The following HS6ST3 variants were observed in gnomAD, a reference collection of about 807,000 sequenced individuals.
HS6ST3 encodes heparan-sulfate 6-O-sulfotransferase 3.
In HS6ST3, 12 loss-of-function variants were observed where a neutral mutation model predicts 36.7. That is an observed-to-expected ratio of 0.33 (90% CI 0.21 to 0.53). HS6ST3 has a LOEUF of 0.53. HS6ST3 is among the 20% of genes least tolerant of loss of function. The pLI is 0.95. For synonymous variants in HS6ST3, 240 were observed against 257.5 expected, an observed-to-expected ratio of 0.93 and a Z score of 0.65; for missense variants, 584 against 640.9, an observed-to-expected ratio of 0.91 and a Z score of 0.96.
intron 1 of HS6ST3, among the ~76,000 whole-genome samples, chr13:96,312,951 CAAAA>C (rs754098470): frequency 0.011 from 877 of 81,408 alleles, 5 homozygotes; most frequent in African/African-American, 0.037. Flanking sequence ...GACCCTGTCT[CAAAA>C]AAAAAAAAAA....
At chr13:96,660,762 G>T (rs1462585484) in intron 1 of HS6ST3, among the ~76,000 whole-genome samples, 1 of 152,136 alleles carries the variant, frequency 6.6e-6, no homozygotes, top group Admixed American at 6.6e-5. Flanking sequence ...TGGATTGAAG[G>T]ATGCAAAGTA....
At chr13:96,807,126 A>T (rs1359783707) in intron 1 of HS6ST3, among the ~76,000 whole-genome samples, 1 of 152,228 alleles carries the variant, frequency 6.6e-6, no homozygotes, top group Non-Finnish European at 1.5e-5. Context: ...TCTGAAGAAT[A>T]CGGGAGCTGA....
chr13:96,717,488 T>A (rs1193535731), intron 1 of HS6ST3, among the ~76,000 whole-genome samples: 1 of 152,226 alleles, frequency 6.6e-6, no homozygotes, highest in Non-Finnish European at 1.5e-5. Context: ...TACTTTCACA[T>A]AAAGGACTGC....
chr13:96,242,935 A>G (rs1200552788), intron 1 of HS6ST3, among the ~76,000 whole-genome samples: 1 of 152,212 alleles, frequency 6.6e-6, no homozygotes, highest in Non-Finnish European at 1.5e-5. Context: ...AAGAACCTGA[A>G]TGACCATCCA....
At chr13:96,828,405 A>T (rs9516768) in intron 1 of HS6ST3, among the ~76,000 whole-genome samples, 8,917 of 152,198 alleles carry the variant, frequency 0.059, 291 homozygotes, top group Middle Eastern at 0.12. Flanking sequence ...ATGTTGCTTT[A>T]AGTTGGTGTG....
At chr13:96,458,248 G>A (rs2055763854) in intron 1 of HS6ST3, among the ~76,000 whole-genome samples, 1 of 151,990 alleles carries the variant, frequency 6.6e-6, no homozygotes, top group African/African-American at 2.4e-5. Context: ...TGGATATTAG[G>A]AATGCCAAAT....
At chr13:96,244,144 T>G (rs970312539) in intron 1 of HS6ST3, among the ~76,000 whole-genome samples, 36 of 152,128 alleles carry the variant, frequency 2.4e-4, no homozygotes, top group African/African-American at 7.5e-4. Flanking sequence ...ACCGTTACAT[T>G]TAGGATTAAT....
intron 1 of HS6ST3, among the ~76,000 whole-genome samples, chr13:96,323,561 G>T (rs988991997): frequency 6.6e-6 from 1 of 152,186 alleles, no homozygotes. Context: ...AGGCCTTTTG[G>T]TTCCAGCCCA....
At chr13:96,609,350 T>TTA (rs2056449772) in intron 1 of HS6ST3, among the ~76,000 whole-genome samples, 1 of 152,180 alleles carries the variant, frequency 6.6e-6, no homozygotes, top group Non-Finnish European at 1.5e-5. Context: ...CAGCACCAAA[T>TTA]TATAAAGAGA....
At chr13:96,307,495 A>T (rs1443280485) in intron 1 of HS6ST3, among the ~76,000 whole-genome samples, 7 of 152,158 alleles carry the variant, frequency 4.6e-5, no homozygotes, top group Non-Finnish European at 7.4e-5. Context: ...AAAACTGCCG[A>T]GGTATATTTA....
chr13:96,136,453 A>G (rs1034502950), intron 1 of HS6ST3, among the ~76,000 whole-genome samples: 3 of 151,884 alleles, frequency 2.0e-5, no homozygotes, highest in African/African-American at 7.3e-5. Flanking sequence ...GAGAAGGGGG[A>G]GGTGCTGCAC....
At chr13:96,098,597 G>A (rs1245133331) in intron 1 of HS6ST3, among the ~76,000 whole-genome samples, 1 of 152,080 alleles carries the variant, frequency 6.6e-6, no homozygotes, top group Non-Finnish European at 1.5e-5. Flanking sequence ...AGGGGTAGGT[G>A]GGTCTCTTGA....
At chr13:96,426,665 TTTTGAGATTTATCTC>T (rs2055588749) in intron 1 of HS6ST3, among the ~76,000 whole-genome samples, 1 of 152,164 alleles carries the variant, frequency 6.6e-6, no homozygotes, top group Non-Finnish European at 1.5e-5. Flanking sequence ...ATTGAAAGGG[TTTTGAGATTTATCTC>T]TGGAGTCAAC....
chr13:96,417,732 T>TCACACACACACACACA (rs1211935095), intron 1 of HS6ST3, among the ~76,000 whole-genome samples: 16 of 137,296 alleles, frequency 1.2e-4, no homozygotes, highest in East Asian at 6.6e-4. Context: ...ATAGCTTATT[T>TCACACACACACACACA]CACACACACA....
intron 1 of HS6ST3, among the ~76,000 whole-genome samples, chr13:96,161,181 C>T (rs888476274): frequency 6.6e-6 from 1 of 152,036 alleles, no homozygotes; most frequent in African/African-American, 2.4e-5. Flanking sequence ...AACTTTTGCC[C>T]TTAAGATGTT....
intron 1 of HS6ST3, among the ~76,000 whole-genome samples, chr13:96,433,725 C>T (rs1433604773): frequency 6.6e-6 from 1 of 151,970 alleles, no homozygotes; most frequent in Non-Finnish European, 1.5e-5. Context: ...ACCTGAGGTC[C>T]GGAATTCGAG....
intron 1 of HS6ST3, among the ~76,000 whole-genome samples, chr13:96,751,663 A>C (rs890590014): frequency 8.4e-4 from 128 of 152,256 alleles, no homozygotes; most frequent in African/African-American, 2.9e-3. Context: ...CCAAGAAGGC[A>C]GGCATGTAAC....
At chr13:96,700,843 A>T (rs1219085126) in intron 1 of HS6ST3, among the ~76,000 whole-genome samples, 1 of 152,204 alleles carries the variant, frequency 6.6e-6, no homozygotes, top group African/African-American at 2.4e-5. Context: ...CTCTAGAGTG[A>T]ATGATTCACT....
Position 96,740,488 on chromosome 13 carries a change from A to G in HS6ST3, c.708-92002A>G, listed in dbSNP as rs138913027. Among the ~76,000 whole-genome samples, 762 of 152,344 alleles carry G rather than the reference A, an allele frequency of 5.0e-3. 8 individuals are homozygous for G. Among genetic ancestry groups the G allele is most frequent in the African/African-American group, 0.017 (714 of 41,576 alleles). ...AATTCAATTATTTACAAACAAATGTAAAATATGAGGGAAAGGCTAAAATCT... is the reference window on the plus strand; with the variant it reads ...AATTCAATTATTTACAAACAAATGTGAAATATGAGGGAAAGGCTAAAATCT... On this transcript the variant is annotated intron_variant, in intron 1 of 1. Transcript: ENST00000376705.
Sources: gnomAD v4.1 joint callset for allele counts (sites outside exome capture counted in the v4.1 genomes callset) on GRCh38, gnomAD v4.1.1 for gene constraint, MANE v1.5 for transcripts, NCBI Gene and HGNC (gene_info 2026-07-23, HGNC 2026-07-21) for gene names.